The following SEC14L1 variants were observed in gnomAD, a reference collection of about 807,000 sequenced individuals.
SEC14L1 encodes SEC14 like lipid binding 1, also known as SEC14-like protein 1.
A neutral mutation model predicts 85.3 loss-of-function variants in SEC14L1; 48 were observed. That is an observed-to-expected ratio of 0.56 (90% CI 0.45 to 0.72). The LOEUF (loss-of-function observed/expected upper bound fraction) is 0.72. Among genes scored for constraint, SEC14L1 ranks in the 30% least tolerant of loss-of-function variants. The pLI is 0.00. For synonymous variants in SEC14L1, 391 were observed against 355.5 expected (o/e 1.10, Z -1.12); for missense variants, 682 against 921.4 (o/e 0.74, Z 3.36).
intron 3 of SEC14L1, among the ~76,000 whole-genome samples, chr17:77,154,520 TC>T (rs1309155416): frequency 1.3e-5 from 2 of 152,068 alleles, no homozygotes; most frequent in Non-Finnish European, 2.9e-5. Flanking sequence ...TAAATGCCAC[TC>T]CATTTTTATA....
At position 77,182,621 on chromosome 17, in the gene SEC14L1, A is replaced by C. The variant is rs1476290122; in HGVS notation, c.64-8182A>C. Among the ~76,000 whole-genome samples, 4 of 152,286 alleles carry C rather than the reference A, an allele frequency of 2.6e-5. No individual in the cohort carries two copies. The East Asian group carries it at 7.7e-4, about 29-fold the overall frequency. On this transcript the variant is annotated intron_variant, in intron 3 of 16. Transcript: ENST00000436233. ...TCTCTGAGGAACTTACTTCTGGGAG[A>C]GTTCATTTCGTCCAGCCTTTCTTGA...
chr17:77,119,780 C>T (rs777819505), intron 3 of SEC14L1, among the ~76,000 whole-genome samples: 1 of 152,122 alleles, frequency 6.6e-6, no homozygotes, highest in Non-Finnish European at 1.5e-5. Context: ...TACATAAACC[C>T]ACCTGCACTT....
intron 1 of SEC14L1, among the ~76,000 whole-genome samples, chr17:77,142,102 T>G (rs1024791656): frequency 6.6e-6 from 1 of 152,118 alleles, no homozygotes; most frequent in Non-Finnish European, 1.5e-5. Context: ...AACCTCATTT[T>G]ACAGAGATGA....
Position 77,213,896 on chromosome 17 carries a change from G to A in SEC14L1, c.2043-22G>A, listed in dbSNP as rs1976905296. The stretch of plus-strand genomic sequence containing the variant: ...GTTGGCAGGGTGGTCCTCACGCCTC[G>A]CCCCTCCCTGTGCCATTACAGAGGT... On this transcript the variant is annotated intron_variant, in intron 16 of 16. Coordinates refer to ENST00000436233, the MANE Select transcript of SEC14L1 (RefSeq NM_001143998.2). This position sits in a 1 kb window ranked among gnomAD's most constrained non-coding sequence, Gnocchi z 7.1. The A allele has an allele frequency of 4.3e-6, 7 of 1,610,650 alleles. No homozygotes were observed. The highest frequency in any genetic ancestry group is 1.1e-5 in the South Asian group (1 of 90,612).
At chr17:77,095,359 G>A (rs1315948372) in intron 3 of SEC14L1, among the ~76,000 whole-genome samples, 2 of 152,170 alleles carry the variant, frequency 1.3e-5, no homozygotes, top group African/African-American at 4.8e-5. Context: ...GACAGGATGG[G>A]AATGAGTGTC....
intron 7 of SEC14L1, 110 bp downstream of exon 7, chr17:77,195,021 C>G (rs1472833430): frequency 2.6e-6 from 2 of 755,632 alleles, no homozygotes; most frequent in Non-Finnish European, 4.4e-6. Flanking sequence ...TTAGATAACT[C>G]AGAAAGGAAA....
At chr17:77,094,811 C>G (rs1333845336) in intron 3 of SEC14L1, 2 of 152,214 alleles carry the variant, frequency 1.3e-5, no homozygotes, top group African/African-American at 2.4e-5. Flanking sequence ...TTGGGCCACT[C>G]ACAAGAGTGT....
At position 77,214,471 on chromosome 17, in the gene SEC14L1, G is replaced by A. The variant is rs577510339; in HGVS notation, c.*448G>A. The A allele has an allele frequency of 5.0e-6, 5 of 1,000,292 alleles. No homozygotes were observed. The highest frequency in any genetic ancestry group is 1.1e-4 in the East Asian group (1 of 9,328). 62.0% of individuals were successfully genotyped at this position (1,000,292 alleles called of 1,614,324 possible). On this transcript the variant is annotated 3_prime_UTR_variant, in exon 17 of 17. Coordinates refer to ENST00000436233, the MANE Select transcript of SEC14L1 (RefSeq NM_001143998.2). The stretch of plus-strand genomic sequence containing the variant: ...CTTCCCCCAAGCTGCCTCATGGCCC[G>A]CACGCCGCCTCACGGCCCCCATGCT...
At chr17:77,156,664 A>T (rs1973830907) in intron 3 of SEC14L1, among the ~76,000 whole-genome samples, 1 of 151,594 alleles carries the variant, frequency 6.6e-6, no homozygotes, top group Admixed American at 6.6e-5. Context: ...TGTCAGTGAA[A>T]TTTTGTTTTT....
chr17:77,132,871 C>CT lies in SEC14L1; in HGVS notation c.-135-9766dup, dbSNP rs1355659321. The stretch of plus-strand genomic sequence containing the variant: ...TCCTCCTTTTTTTTTTTTCTTTTTT[C>CT]TTTTTTTTTGAGACAGAGTCTCACT... On this transcript the variant is annotated intron_variant, in intron 3 of 19. Coordinates refer to the SEC14L1 transcript ENST00000392476. Among the ~76,000 whole-genome samples the CT allele has an allele frequency of 7.9e-3, 1,107 of 139,322 alleles. 5 individuals carry two copies. Among genetic ancestry groups the CT allele is most frequent in the Middle Eastern group, 0.015 (4 of 270 alleles). The allele number at this position is 139,322 out of a possible 152,430, so 91.4% of individuals were successfully genotyped here. A position where few individuals can be genotyped will look rare whatever the true frequency, so the allele number is the denominator to read the frequency against.
chr17:77,094,164 C>T (rs1208998503), intron 3 of SEC14L1: 2 of 152,206 alleles, frequency 1.3e-5, no homozygotes, highest in Middle Eastern at 3.4e-3. Context: ...TTACAGGTGC[C>T]TGCCACAACG....
rs1451611340 is a variant in SEC14L1 at position 77,116,780 on chromosome 17, C to T, written c.-136+23433C>T. ...ACTTGGAATTTCATGGACTTTTCCACAACCCTCTTTCATGTCTGTAAGGAG... is the reference window on the plus strand; with the variant it reads ...ACTTGGAATTTCATGGACTTTTCCATAACCCTCTTTCATGTCTGTAAGGAG... On this transcript the variant is annotated intron_variant, in intron 3 of 19. Transcript: ENST00000392476. Among the ~76,000 whole-genome samples, 3 of 152,308 alleles carry T rather than the reference C, an allele frequency of 2.0e-5. No homozygotes were observed. The East Asian group carries it at 5.8e-4, about 29-fold the overall frequency.
At chr17:77,158,429 A>C (rs577913853) in intron 3 of SEC14L1, among the ~76,000 whole-genome samples, 1 of 152,292 alleles carries the variant, frequency 6.6e-6, no homozygotes, top group South Asian at 2.1e-4. Context: ...CCTTTTGCGT[A>C]ACTTGGTAGT....
At chr17:77,159,704 C>T (rs1334989137) in intron 3 of SEC14L1, among the ~76,000 whole-genome samples, 1 of 152,130 alleles carries the variant, frequency 6.6e-6, no homozygotes, top group African/African-American at 2.4e-5. Context: ...TGATAGATTC[C>T]AGATCCAAAA....
At position 77,214,073 on chromosome 17, in the gene SEC14L1, G is replaced by A. The variant is rs370835518; in HGVS notation, c.*50G>A. Reference sequence around the variant, plus strand: ...GCAGAGGGGACGGCCGCCCCTCCTCGGACAGCCAGCTGCACCCGCCCACCC... The same window carrying A: ...GCAGAGGGGACGGCCGCCCCTCCTCAGACAGCCAGCTGCACCCGCCCACCC... On this transcript the variant is annotated 3_prime_UTR_variant, in exon 17 of 17. Coordinates refer to ENST00000436233, the MANE Select transcript of SEC14L1 (RefSeq NM_001143998.2). 51 of 1,581,588 alleles carry A rather than the reference G, an allele frequency of 3.2e-5. No individual in the cohort carries two copies. In the South Asian group the frequency reaches 3.9e-4, roughly 12 times the overall value.
chr17:77,196,097 C>A, intron 7 of SEC14L1, 105 bp from the exon 8 acceptor site: 1 of 812,678 alleles, frequency 1.2e-6, no homozygotes. Context: ...GTTTCATGTG[C>A]CTCTAGGACT....
intron 3 of SEC14L1, chr17:77,152,641 C>T (rs902590672): frequency 6.6e-6 from 1 of 152,160 alleles, no homozygotes; most frequent in African/African-American, 2.4e-5. Flanking sequence ...TCGGGTAAAC[C>T]TCACTGACTA....
intron 3 of SEC14L1, among the ~76,000 whole-genome samples, chr17:77,100,428 CTTTTTTT>C (rs1188386603): frequency 7.8e-5 from 2 of 25,574 alleles, no homozygotes; most frequent in African/African-American, 3.3e-4. Context: ...CTCTCTCTCT[CTTTTTTT>C]TTTTTTTTTT....
At chr17:77,110,944 A>G (rs1972032017) in intron 3 of SEC14L1, among the ~76,000 whole-genome samples, 1 of 151,456 alleles carries the variant, frequency 6.6e-6, no homozygotes, top group South Asian at 2.1e-4. Flanking sequence ...CTGTAATCCC[A>G]GCACTTTGGG....
Sources: gnomAD v4.1 joint callset for allele counts (sites outside exome capture counted in the v4.1 genomes callset) on GRCh38, gnomAD v4.1.1 for gene constraint, Gnocchi (gnomAD v3.1) non-coding constraint, MANE v1.5 for transcripts, NCBI Gene and HGNC (gene_info 2026-07-23, HGNC 2026-07-21) for gene names.